SND1: variants seen among roughly 807,000 people sequenced by gnomAD.
SND1 encodes the protein staphylococcal nuclease domain-containing protein 1.
A neutral mutation model predicts 121.7 loss-of-function variants in SND1; 38 were observed. That is an observed-to-expected ratio of 0.31 (90% CI 0.24 to 0.41). The LOEUF (loss-of-function observed/expected upper bound fraction) is 0.41. Ranked by LOEUF, SND1 falls within the 10% of genes least tolerant of loss-of-function variation. The probability of loss-of-function intolerance (pLI) is 1.00; values close to 1 mark genes in which losing one functional copy is unlikely to be tolerated. For synonymous variants in SND1, 401 were observed against 447.4 expected, an observed-to-expected ratio of 0.90 and a Z score of 1.31; for missense variants, 868 against 1,184.6, an observed-to-expected ratio of 0.73 and a Z score of 3.92.
At chr7:127,876,337 G>A (rs1056372134) in intron 12 of SND1, among the ~76,000 whole-genome samples, 1 of 152,140 alleles carries the variant, frequency 6.6e-6, no homozygotes, top group African/African-American at 2.4e-5. Context: ...AGGTATGGGA[G>A]GCTGTAATAG....
At chr7:127,707,789 G>GTGTA (rs1796227506) in intron 9 of SND1, 142 bp downstream of exon 9, 1 of 601,168 alleles carries the variant, frequency 1.7e-6, no homozygotes, top group South Asian at 2.1e-5. Context: ...GTGTGTGTGT[G>GTGTA]TGTGTGTGTG....
At chr7:127,921,457 T>C (rs1800703858) in intron 14 of SND1, among the ~76,000 whole-genome samples, 1 of 152,182 alleles carries the variant, frequency 6.6e-6, no homozygotes, top group Non-Finnish European at 1.5e-5. Flanking sequence ...ATTTTGAACT[T>C]GATATTCTCT....
At chr7:128,007,344 C>G (rs1300460035) in intron 16 of SND1, among the ~76,000 whole-genome samples, 1 of 152,150 alleles carries the variant, frequency 6.6e-6, no homozygotes, top group Non-Finnish European at 1.5e-5. Context: ...AAAGTGGCTC[C>G]CTGCTTTCAG....
chr7:127,720,142 C>T (rs1419205521), intron 9 of SND1, among the ~76,000 whole-genome samples: 1 of 152,126 alleles, frequency 6.6e-6, no homozygotes, highest in Non-Finnish European at 1.5e-5. Context: ...TTAGAGAGGC[C>T]TCCTTTAAGA....
intron 10 of SND1, among the ~76,000 whole-genome samples, chr7:127,762,579 T>C (rs1256297314): frequency 1.3e-5 from 2 of 152,220 alleles, no homozygotes; most frequent in African/African-American, 4.8e-5. Flanking sequence ...CTTCAACATA[T>C]GGATTTTGGA....
chr7:127,694,906 A>G lies in SND1; in HGVS notation c.307A>G (p.Thr103Ala). 6.2e-7 allele frequency: 1 copy of G among 1,613,542 alleles called. No individual in the cohort carries two copies. Among genetic ancestry groups the G allele is most frequent in the South Asian group, 1.1e-5 (1 of 90,954 alleles). ...KEVCFTIENK[T>A]PQGREYGMIY... is the part of the protein sequence containing the mutation. ...AGTCTGTTTCACGATAGAAAACAAG[A>G]CTCCCCAGGGGCGAGAGTATGGCAT... The change falls in exon 3 of 24, where the codon ACT becomes GCT. Residue 103 changes from threonine to alanine, a missense_variant. By Grantham distance (58) the Thr-to-Ala change is moderately conservative (BLOSUM62 0). Transcript: ENST00000354725.
chr7:127,755,980 G>A (rs1332400075), intron 10 of SND1, among the ~76,000 whole-genome samples: 1 of 152,122 alleles, frequency 6.6e-6, no homozygotes, highest in Non-Finnish European at 1.5e-5. Context: ...AATGTTTAGT[G>A]TTTCCATTTG....
At chr7:127,865,553 C>G (rs1799454580) in intron 12 of SND1, among the ~76,000 whole-genome samples, 1 of 152,096 alleles carries the variant, frequency 6.6e-6, no homozygotes, top group African/African-American at 2.4e-5. Context: ...AGTCCTTTGG[C>G]TTCACATTCT....
intron 11 of SND1, among the ~76,000 whole-genome samples, chr7:127,843,455 G>T (rs1180971540): frequency 6.6e-6 from 1 of 152,092 alleles, no homozygotes; most frequent in East Asian, 1.9e-4. Context: ...TGTCTTTGTA[G>T]TTTAACCTTT....
chr7:127,933,723 A>G (rs1364129806), intron 15 of SND1, among the ~76,000 whole-genome samples: 2 of 152,168 alleles, frequency 1.3e-5, no homozygotes, highest in African/African-American at 4.8e-5. Flanking sequence ...ACTAGAGTTT[A>G]CCTTGCCCCT....
intron 10 of SND1, among the ~76,000 whole-genome samples, chr7:127,770,446 C>T (rs1261961756): frequency 6.6e-6 from 1 of 151,646 alleles, no homozygotes; most frequent in Non-Finnish European, 1.5e-5. Flanking sequence ...ATTTTGCATA[C>T]CTGCACTAAT....
chr7:127,676,505 A>G (rs1795618715), intron 1 of SND1, among the ~76,000 whole-genome samples: 1 of 152,206 alleles, frequency 6.6e-6, no homozygotes, highest in African/African-American at 2.4e-5. Context: ...TAGCCACACC[A>G]TCTGAGGCTA....
rs370288217 is a variant in SND1 at position 127,829,677 on chromosome 7, A to G, written c.1243-14647A>G. Reference sequence around the variant, plus strand: ...AAAGTACACCGTAGTGGATAAACAAAGTATGGTATATCCTTACAATCAGTA... The same window carrying G: ...AAAGTACACCGTAGTGGATAAACAAGGTATGGTATATCCTTACAATCAGTA... On this transcript the variant is annotated intron_variant, in intron 11 of 23. Transcript: ENST00000354725. Among the ~76,000 whole-genome samples, 44 of 152,324 alleles carry G rather than the reference A, an allele frequency of 2.9e-4. No homozygotes were observed. The East Asian group carries it at 4.8e-3, about 17-fold the overall frequency.
At chr7:127,874,581 A>AT (rs1482415976) in intron 12 of SND1, among the ~76,000 whole-genome samples, 1 of 152,010 alleles carries the variant, frequency 6.6e-6, no homozygotes, top group African/African-American at 2.4e-5. Context: ...CCATACTGAT[A>AT]TTTTTTGTGA....
intron 1 of SND1, among the ~76,000 whole-genome samples, chr7:127,685,170 G>C (rs535003942): frequency 1.3e-5 from 2 of 152,208 alleles, no homozygotes; most frequent in East Asian, 3.9e-4. Flanking sequence ...GTACATGTGG[G>C]TTTAAATTCA....
At chr7:128,032,588 G>A (rs927287861) in intron 16 of SND1, among the ~76,000 whole-genome samples, 1 of 151,946 alleles carries the variant, frequency 6.6e-6, no homozygotes, top group African/African-American at 2.4e-5. Flanking sequence ...GGGGCTCAGG[G>A]GCCCGGCGGC....
At chr7:127,743,936 C>T (rs4731378) in intron 10 of SND1, among the ~76,000 whole-genome samples, 90,789 of 151,936 alleles carry the variant, frequency 0.6, 27,519 homozygotes, top group East Asian at 0.87. Context: ...ATTTTATCGA[C>T]GGGCATGTAA....
intron 12 of SND1, among the ~76,000 whole-genome samples, chr7:127,880,408 C>T (rs565101390): frequency 1.3e-5 from 2 of 152,044 alleles, no homozygotes; most frequent in East Asian, 1.9e-4. Flanking sequence ...ATATTTCTTG[C>T]GGATAAGGAG....
intron 11 of SND1, among the ~76,000 whole-genome samples, chr7:127,826,077 G>A (rs1798638055): frequency 1.3e-5 from 2 of 152,126 alleles, no homozygotes; most frequent in South Asian, 4.1e-4. Context: ...CATAATCCCA[G>A]CTACTTGGGA....
Sources: allele counts gnomAD v4.1 joint callset (sites outside exome capture counted in the v4.1 genomes callset), GRCh38; gene constraint gnomAD v4.1.1; transcripts MANE v1.5; gene names NCBI Gene and HGNC (gene_info 2026-07-23, HGNC 2026-07-21).